The following INPPL1 variants were observed in gnomAD, a reference collection of about 807,000 sequenced individuals.
INPPL1 encodes inositol polyphosphate phosphatase like 1, also known as phosphatidylinositol 3,4,5-trisphosphate 5-phosphatase 2.
INPPL1 carries 91 observed loss-of-function variants against 139.3 expected under a neutral mutation model. That is an observed-to-expected ratio of 0.65 (90% CI 0.55 to 0.78). The LOEUF is 0.78. Among genes scored for constraint, INPPL1 ranks in the 30% least tolerant of loss-of-function variants. The probability of loss-of-function intolerance (pLI) is 0.00; values close to 1 mark genes in which losing one functional copy is unlikely to be tolerated. For synonymous variants in INPPL1, 719 were observed against 686.6 expected, an observed-to-expected ratio of 1.05 and a Z score of -0.74; for missense variants, 1,411 against 1,665.6, an observed-to-expected ratio of 0.85 and a Z score of 2.66.
rs993577125 is a variant in INPPL1, at chr11:72,234,330, G to A, written c.2262G>A (p.Glu754=). 1 of 1,614,140 alleles carries A rather than the reference G, an allele frequency of 6.2e-7. No individual in the cohort carries two copies. The highest frequency in any genetic ancestry group is 8.5e-7 in the Non-Finnish European group (1 of 1,180,024). ...CCTACATTGAGTTTGAGAGCATCGAGGCCATTGTGAAGACAGCCAGCCGCA... is the reference window on the plus strand; with the variant it reads ...CCTACATTGAGTTTGAGAGCATCGAAGCCATTGTGAAGACAGCCAGCCGCA... ...DQAYIEFESI[E]AIVKTASRTK... is the part of the protein sequence containing the mutation. Residue 754 remains glutamate (E), a synonymous_variant, in exon 20 of 28, where the codon GAG becomes GAA. Coordinates refer to ENST00000298229, the MANE Select transcript of INPPL1 (RefSeq NM_001567.4). The surrounding 1 kb of genome is among the most constrained non-coding windows in gnomAD (Gnocchi z 4.2).
In INPPL1 at chr11:72,235,348, C is replaced by T. The variant is rs1948956021; in HGVS notation, c.2556C>T (p.Phe852=). 2 of 1,613,950 alleles carry T rather than the reference C, an allele frequency of 1.2e-6. No homozygotes were observed. Among genetic ancestry groups the T allele is most frequent in the Non-Finnish European group, 1.7e-6 (2 of 1,180,008 alleles). Reference sequence around the variant, plus strand: ...TGATCGGCAGCACGGCCCAACAGTTCCTGACCTTCCTATCCCACCGTGGCG... The same window carrying T: ...TGATCGGCAGCACGGCCCAACAGTTTCTGACCTTCCTATCCCACCGTGGCG... ...KSMIGSTAQQ[F]LTFLSHRGEE... is the part of the protein sequence containing the mutation. The change falls in exon 23 of 28, where the codon TTC becomes TTT. Residue 852 remains phenylalanine (F), a synonymous_variant. Transcript: ENST00000298229. This position sits in a 1 kb window ranked among gnomAD's most constrained non-coding sequence, Gnocchi z 4.9.
intron 1 of INPPL1, chr11:72,227,976 C>T (rs556700769): frequency 1.1e-5 from 6 of 567,150 alleles, no homozygotes; most frequent in African/African-American, 5.6e-5. Flanking sequence ...GGTGGGGAGA[C>T]GGGGGTGTTC....
Position 72,237,264 on chromosome 11 carries a change from C to A in INPPL1, c.3020C>A (p.Ala1007Asp). 1 of 1,614,046 alleles carries A rather than the reference C, an allele frequency of 6.2e-7. No homozygotes were observed. Among genetic ancestry groups the A allele is most frequent in the Non-Finnish European group, 8.5e-7 (1 of 1,180,024 alleles). The change falls in exon 26 of 28, where the codon GCC becomes GAC. Residue 1007 changes from alanine to aspartate, a missense_variant. Physicochemically the swap from Ala to Asp is moderately radical, Grantham distance 126. Transcript: ENST00000298229. ...LPPEPPSPAR[A>D]PVPSATKNKV... Reference sequence around the variant, plus strand: ...CCGGAGCCACCCTCGCCTGCCAGGGCCCCTGTCCCATCTGCCACCAAGAAC... The same window carrying A: ...CCGGAGCCACCCTCGCCTGCCAGGGACCCTGTCCCATCTGCCACCAAGAAC...
Position 72,228,427 on chromosome 11 carries a change from T to C in INPPL1, c.326T>C (p.Leu109Pro). The C allele has an allele frequency of 6.2e-7, 1 of 1,612,764 alleles. No individual in the cohort carries two copies. The highest frequency in any genetic ancestry group is 8.5e-7 in the Non-Finnish European group (1 of 1,180,008). ...IGLYAQPNQG[L>P]VCALLLPVEG... ...CTGTACGCCCAGCCCAACCAGGGCC[T>C]TGTGTGCGCCCTGCTTCTTCCTGTA... The change falls in exon 3 of 28, where the codon CTT (leucine) becomes CCT (proline). Residue 109 changes from leucine to proline, a missense_variant. This residue lies in a region of INPPL1 where 504 missense variants were observed against 595.6 expected (regional missense o/e 0.85). Coordinates refer to ENST00000298229, the MANE Select transcript of INPPL1 (RefSeq NM_001567.4). This position sits in a 1 kb window ranked among gnomAD's most constrained non-coding sequence, Gnocchi z 5.0.
chr11:72,229,707 G>A lies in INPPL1; in HGVS notation c.798G>A (p.Leu266=), dbSNP rs745668155. The A allele has an allele frequency of 2.5e-6, 4 of 1,613,992 alleles. No individual in the cohort carries two copies. Among genetic ancestry groups the A allele is most frequent in the Non-Finnish European group, 2.5e-6 (3 of 1,180,042 alleles). ...AGCAGGAACTAGAGAGCCTGGTGCT[G>A]AAGCTGTCAGTGCTAAAGGACTTCC... The part of the protein sequence containing the change: ...TGEQELESLV[L]KLSVLKDFLS... Residue 266 remains leucine, a synonymous_variant, in exon 7 of 28, where the codon CTG becomes CTA. Coordinates refer to ENST00000298229, the MANE Select transcript of INPPL1 (RefSeq NM_001567.4).
rs1948944231 is a variant in INPPL1 at position 72,235,014 on chromosome 11, T to A, written c.2416-102T>A. 3 of 909,730 alleles carry A rather than the reference T, an allele frequency of 3.3e-6. No homozygotes were observed. In the Admixed American group the frequency reaches 6.3e-5, roughly 19 times the overall value. The allele number at this position is 909,730 out of a possible 1,614,324, so 56.4% of individuals were successfully genotyped here. A position where few individuals can be genotyped will look rare whatever the true frequency, so the allele number is the denominator to read the frequency against. ...AGAGTTGAGTGTGAGTGAGCACAGA[T>A]GACCTGAGGGTGGGGATTGAGTGGT... On this transcript the variant is annotated intron_variant, in intron 21 of 27. Coordinates refer to ENST00000298229, the MANE Select transcript of INPPL1 (RefSeq NM_001567.4). The surrounding 1 kb of genome is among the most constrained non-coding windows in gnomAD (Gnocchi z 4.9).
At chr11:72,227,035 A>T (rs1297423725) in intron 1 of INPPL1, among the ~76,000 whole-genome samples, 1 of 152,110 alleles carries the variant, frequency 6.6e-6, no homozygotes, top group East Asian at 1.9e-4. Flanking sequence ...GACGTGGGCG[A>T]TCAGACGTGG....
rs1167905962 is a variant in INPPL1 at position 72,234,367 on chromosome 11, A to T, written c.2299A>T (p.Ile767Phe). Residue 767 changes from isoleucine to phenylalanine, a missense_variant, in exon 20 of 28, where the codon ATC (isoleucine) becomes TTC (phenylalanine). Transcript: ENST00000298229. This position sits in a 1 kb window ranked among gnomAD's most constrained non-coding sequence, Gnocchi z 4.2. ...GACAGCCAGCCGCACCAAGTTCTTC[A>T]TCGAGTTCTACTCTACCTGCCTGGA... ...VKTASRTKFF[I>F]EFYSTCLEEY... 6.2e-7 allele frequency: 1 copy of T among 1,614,148 alleles called. No homozygotes were observed. Among genetic ancestry groups the T allele is most frequent in the Non-Finnish European group, 8.5e-7 (1 of 1,179,994 alleles).
rs142321749 is a variant in INPPL1, at chr11:72,235,410, G to A, written c.2618G>A (p.Arg873Gln). The A allele has an allele frequency of 1.0e-4, 165 of 1,613,556 alleles. No individual in the cohort carries two copies. Among genetic ancestry groups the A allele is most frequent in the Non-Finnish European group, 1.3e-4 (152 of 1,179,996 alleles). Residue 873 changes from arginine (R) to glutamine (Q), a missense_variant, in exon 23 of 28, where the codon CGG becomes CAG. Physicochemically the swap from Arg to Gln is conservative, Grantham distance 43 (BLOSUM62 1). This residue lies in a region of INPPL1 where 99 missense variants were observed against 171.6 expected (regional missense o/e 0.58). Coordinates refer to ENST00000298229, the MANE Select transcript of INPPL1 (RefSeq NM_001567.4). The surrounding 1 kb of genome is among the most constrained non-coding windows in gnomAD (Gnocchi z 4.9). ...TGNIRGSMKV[R>Q]VPTERLGTRE... ...AATATCAGAGGCTCCATGAAGGTGC[G>A]GGTGCCCACGGAGCGCCTGGGCACC... is the stretch of plus-strand genomic sequence containing the variant.
intron 13 of INPPL1, among the ~76,000 whole-genome samples, 161 bp from the exon 14 acceptor site, chr11:72,232,079 T>C (rs1173466954): frequency 6.6e-6 from 1 of 151,550 alleles, no homozygotes; most frequent in African/African-American, 2.4e-5. Flanking sequence ...GACCCCCCCC[T>C]CCCCCAGGGA....
In INPPL1 at chr11:72,228,757, C is replaced by T. The variant is rs781357595; in HGVS notation, c.428C>T (p.Pro143Leu). ...DGEDEKPPLP[P>L]RSGSTSISAP... The stretch of plus-strand genomic sequence containing the variant: ...GAGGATGAGAAGCCCCCGCTGCCCC[C>T]GCGCTCTGGCTCCACCAGCATTTCT... Residue 143 changes from proline (P) to leucine (L), a missense_variant, in exon 4 of 28, where the codon CCG becomes CTG. Transcript: ENST00000298229. The surrounding 1 kb of genome is among the most constrained non-coding windows in gnomAD (Gnocchi z 5.0). 6.2e-6 allele frequency: 10 copies of T among 1,610,038 alleles called. No homozygotes were observed. The highest frequency in any genetic ancestry group is 1.3e-5 in the African/African-American group (1 of 74,954).
chr11:72,229,932 G>T lies in INPPL1; in HGVS notation c.852G>T (p.Lys284Asn). The T allele has an allele frequency of 2.5e-6, 4 of 1,614,084 alleles. No individual in the cohort carries two copies. Among genetic ancestry groups the T allele is most frequent in the Non-Finnish European group, 3.4e-6 (4 of 1,179,990 alleles). Residue 284 changes from lysine to asparagine, a missense_variant, in exon 8 of 28, where the codon AAG becomes AAT. Lys to Asn is a moderately conservative substitution (Grantham distance 94, BLOSUM62 0). This residue lies in a region of INPPL1 where 504 missense variants were observed against 595.6 expected (regional missense o/e 0.85). Transcript: ENST00000298229. ...GCCCTTGTTCCCTCCAGGCCCTGAA[G>T]GCCCTACAGGACATGAGCTCCACAG... is the stretch of plus-strand genomic sequence containing the variant. ...FLSGIQKKAL[K>N]ALQDMSSTAP... is the part of the protein sequence containing the mutation.
chr11:72,230,773 C>G, intron 10 of INPPL1, 23 bp from the exon 11 acceptor site: 1 of 1,608,876 alleles, frequency 6.2e-7, no homozygotes, highest in Middle Eastern at 1.7e-4. Flanking sequence ...CTACCCGCCC[C>G]TGAGTGGCTG....
intron 27 of INPPL1, 26 bp downstream of exon 27, chr11:72,238,201 C>T (rs1436851024): frequency 1.3e-5 from 21 of 1,611,290 alleles, no homozygotes; most frequent in Admixed American, 1.7e-5. Flanking sequence ...GCCCCGGGGG[C>T]GGAGCTGGGG....
At position 72,224,929 on chromosome 11, in the gene INPPL1, TCGGGGCGGATGGCG is replaced by T. The variant is rs1948624433; in HGVS notation, c.-47_-34del. ...GGCCCCAGCCTCAGCCCTGAGCGTCTCGGGGCGGATGGCGCGGGGCGGCGGGGGCGGGCGGTGCT... is the reference window on the plus strand; with the variant it reads ...GGCCCCAGCCTCAGCCCTGAGCGTCTCGGGGCGGCGGGGGCGGGCGGTGCT... On this transcript the variant is annotated 5_prime_UTR_variant, in exon 1 of 28. An upstream start codon of the reference 5' UTR is lost. Coordinates refer to ENST00000298229, the MANE Select transcript of INPPL1 (RefSeq NM_001567.4). 1.9e-6 allele frequency: 2 copies of T among 1,031,514 alleles called. No individual in the cohort carries two copies. Among genetic ancestry groups the T allele is most frequent in the Non-Finnish European group, 2.3e-6 (2 of 859,452 alleles). The allele number at this position is 1,031,514 out of a possible 1,614,324, so 63.9% of individuals were successfully genotyped here.
At chr11:72,233,294 C>A (rs1948888859) in intron 17 of INPPL1, 131 bp downstream of exon 17, 2 of 1,057,706 alleles carry the variant, frequency 1.9e-6, no homozygotes, top group Admixed American at 2.1e-5. Flanking sequence ...TTTGGGTGAT[C>A]CTGGGTATTT....
At chr11:72,224,174 C>T (rs921201849), upstream of INPPL1, among the ~76,000 whole-genome samples, 39 of 152,122 alleles carry the variant, frequency 2.6e-4, no homozygotes, top group Non-Finnish European at 4.0e-4. Context: ...TCGTCTGGGC[C>T]CCCCGCCAGA....
chr11:72,231,245 G>A (rs1948827034), intron 12 of INPPL1, 56 bp downstream of exon 12: 2 of 1,520,256 alleles, frequency 1.3e-6, no homozygotes, highest in African/African-American at 1.4e-5. Context: ...CTCCAAACTA[G>A]CCTACTTGAC....
rs1949009837 is a variant in INPPL1, at chr11:72,237,164, G to A, written c.2920G>A (p.Ala974Thr). The A allele has an allele frequency of 6.2e-7, 1 of 1,600,840 alleles. No homozygotes were observed. Among genetic ancestry groups the A allele is most frequent in the East Asian group, 2.2e-5 (1 of 44,516 alleles). The change falls in exon 26 of 28, where the codon GCC becomes ACC. Residue 974 changes from alanine (A) to threonine (T), a missense_variant. Coordinates refer to ENST00000298229, the MANE Select transcript of INPPL1 (RefSeq NM_001567.4). Reference protein sequence around the residue: ...EGAPEPEGVAAPPPKNSFNNP... With the variant: ...EGAPEPEGVATPPPKNSFNNP... ...AGCTCCTGAACCAGAAGGGGTGGCG[G>A]CCCCCCCACCCAAGAACAGCTTCAA...
Sources: allele counts gnomAD v4.1 joint callset (sites outside exome capture counted in the v4.1 genomes callset), GRCh38; gene constraint gnomAD v4.1.1; regional missense constraint gnomAD v4.1.1; non-coding constraint Gnocchi (gnomAD v3.1); transcripts MANE v1.5; gene names NCBI Gene and HGNC (gene_info 2026-07-23, HGNC 2026-07-21).